The following RASAL2 variants were observed in gnomAD, a reference collection of about 807,000 sequenced individuals.
RASAL2 encodes the protein ras GTPase-activating protein nGAP.
Under a neutral mutation model 128.9 loss-of-function variants are expected in RASAL2, and 58 were observed. The observed-to-expected ratio is 0.45, with a 90% CI of 0.36 to 0.56. The LOEUF (loss-of-function observed/expected upper bound fraction) is 0.56. RASAL2 is among the 20% of genes least tolerant of loss of function. RASAL2 has a pLI of 0.00. For synonymous variants in RASAL2, 561 were observed against 580.8 expected (o/e 0.97, Z 0.49); for missense variants, 1,360 against 1,601.6 (o/e 0.85, Z 2.57).
rs995709480 is a variant in RASAL2, at chr1:178,295,244, A to C, written c.331-4748A>C. ...TAAGCGTTGGCATTTTTTTTCTCCC[A>C]AAAAAAAAAAAACAAAAAAAAACCA... On this transcript the variant is annotated intron_variant, in intron 2 of 17. Transcript: ENST00000367649. 1.2e-3 allele frequency among the ~76,000 whole-genome samples: 167 copies of C among 134,894 alleles called. 1 individual carries two copies. Among genetic ancestry groups the C allele is most frequent in the Middle Eastern group, 3.7e-3 (1 of 270 alleles). The allele number at this position is 134,894 out of a possible 152,430, so 88.5% of individuals were successfully genotyped here. A position where few individuals can be genotyped will look rare whatever the true frequency, so the allele number is the denominator to read the frequency against.
intron 3 of RASAL2, among the ~76,000 whole-genome samples, chr1:178,343,502 C>T (rs1669988129): frequency 6.6e-6 from 1 of 151,986 alleles, no homozygotes; most frequent in African/African-American, 2.4e-5. Context: ...GAAAGGACTG[C>T]CATGATATAT....
At chr1:178,327,541 A>T (rs1391901756) in intron 3 of RASAL2, among the ~76,000 whole-genome samples, 2 of 151,930 alleles carry the variant, frequency 1.3e-5, no homozygotes, top group Non-Finnish European at 2.9e-5. Flanking sequence ...TAATAGAGAC[A>T]GTATTTCTCC....
intron 1 of RASAL2, among the ~76,000 whole-genome samples, chr1:178,207,089 G>A (rs1663075326): frequency 2.0e-5 from 3 of 150,712 alleles, no homozygotes; most frequent in African/African-American, 7.3e-5. Context: ...GGCTGAGGCA[G>A]GAGGATTGCT....
At chr1:178,335,944 A>T (rs1299679468) in intron 3 of RASAL2, among the ~76,000 whole-genome samples, 1 of 151,682 alleles carries the variant, frequency 6.6e-6, no homozygotes, top group Non-Finnish European at 1.5e-5. Flanking sequence ...CCAAAATGCC[A>T]ATTAAAGATA....
intron 1 of RASAL2, among the ~76,000 whole-genome samples, chr1:178,275,427 G>T (rs1219881899): frequency 2.0e-5 from 3 of 152,238 alleles, no homozygotes; most frequent in Non-Finnish European, 4.4e-5. Context: ...CGGCACATGT[G>T]ATCAGGACAG....
intron 5 of RASAL2, among the ~76,000 whole-genome samples, chr1:178,431,846 A>G (rs1021063166): frequency 6.7e-6 from 1 of 149,740 alleles, no homozygotes; most frequent in African/African-American, 2.4e-5. Flanking sequence ...ATATAGACAT[A>G]TATGTTTGTA....
At chr1:178,415,678 C>G (rs1365493811) in intron 4 of RASAL2, among the ~76,000 whole-genome samples, 1 of 152,066 alleles carries the variant, frequency 6.6e-6, no homozygotes, top group Admixed American at 6.6e-5. Flanking sequence ...TAGTCTTCAA[C>G]TATATAGATT....
At chr1:178,470,651 AGTTACT>A in intron 17 of RASAL2, 1 of 1,351,302 alleles carries the variant, frequency 7.4e-7, no homozygotes, top group Non-Finnish European at 9.9e-7. Flanking sequence ...GCAGCTGCCT[AGTTACT>A]GTTGCAAGTG....
chr1:178,391,335 C>A (rs1220681956), intron 4 of RASAL2, among the ~76,000 whole-genome samples: 3 of 152,112 alleles, frequency 2.0e-5, no homozygotes, highest in Middle Eastern at 3.2e-3. Context: ...ATGTTTGTGA[C>A]ATGCATCCAT....
At chr1:178,232,152 GT>G (rs757429451) in intron 1 of RASAL2, among the ~76,000 whole-genome samples, 2 of 152,078 alleles carry the variant, frequency 1.3e-5, no homozygotes, top group Admixed American at 6.5e-5. Context: ...TGTTATATCT[GT>G]TTTATTGGTA....
intron 1 of RASAL2, among the ~76,000 whole-genome samples, chr1:178,103,768 A>G (rs1658990165): frequency 6.6e-6 from 1 of 152,082 alleles, no homozygotes; most frequent in Non-Finnish European, 1.5e-5. Flanking sequence ...CTTAGTATTT[A>G]AGTAAAGAAC....
At chr1:178,172,176 T>A (rs751377508) in intron 1 of RASAL2, among the ~76,000 whole-genome samples, 2 of 152,054 alleles carry the variant, frequency 1.3e-5, no homozygotes, top group Non-Finnish European at 2.9e-5. Flanking sequence ...AAGTCCTTCA[T>A]ACCATTTTAC....
chr1:178,204,512 G>T (rs1172626035), intron 1 of RASAL2, among the ~76,000 whole-genome samples: 1 of 152,170 alleles, frequency 6.6e-6, no homozygotes, highest in Non-Finnish European at 1.5e-5. Context: ...TTCTTAGGCA[G>T]CTACACAGAC....
At position 178,135,931 on chromosome 1, in the gene RASAL2, C is replaced by T. The variant is rs1278985280; in HGVS notation, c.202+41237C>T. Among the ~76,000 whole-genome samples the T allele has an allele frequency of 3.9e-5, 6 of 152,166 alleles. No homozygotes were observed. The South Asian group carries it at 8.3e-4, about 21-fold the overall frequency. ...GAAACTGCCCCCATGATTCAGTTAT[C>T]TCCCACCAGGTCCCTCCCACAACAT... On this transcript the variant is annotated intron_variant, in intron 1 of 17. Transcript: ENST00000367649.
chr1:178,288,402 T>A lies in RASAL2; in HGVS notation c.330+4711T>A, dbSNP rs532017368. The stretch of plus-strand genomic sequence containing the variant: ...AAAATTGGAAAATTCACAAGAGAAC[T>A]TCTGCACACTCCATTACTGTATCTG... On this transcript the variant is annotated intron_variant, in intron 2 of 17. Coordinates refer to ENST00000367649, the MANE Select transcript of RASAL2 (RefSeq NM_170692.4). 4.6e-5 allele frequency among the ~76,000 whole-genome samples: 7 copies of A among 152,212 alleles called. No homozygotes were observed. In the South Asian group the frequency reaches 1.5e-3, roughly 32 times the overall value.
At chr1:178,431,610 T>C (rs989883885) in intron 5 of RASAL2, among the ~76,000 whole-genome samples, 1 of 152,000 alleles carries the variant, frequency 6.6e-6, no homozygotes, top group African/African-American at 2.4e-5. Context: ...CACATGTGCA[T>C]GAAGATATAT....
Position 178,244,928 on chromosome 1 carries a change from A to G in RASAL2, c.203-38636A>G, listed in dbSNP as rs183468599. ...AACTCGTTCTTTTTCATGGCTGCTT[A>G]GTATTCCATGGTGTATATGTGCCAC... On this transcript the variant is annotated intron_variant, in intron 1 of 17. Coordinates refer to ENST00000367649, the MANE Select transcript of RASAL2 (RefSeq NM_170692.4). Among the ~76,000 whole-genome samples the G allele has an allele frequency of 3.3e-3, 510 of 152,312 alleles. 4 individuals are homozygous for G. The highest frequency in any genetic ancestry group is 0.012 in the African/African-American group (495 of 41,564).
chr1:178,445,370 T>C, intron 8 of RASAL2, 148 bp from the exon 9 acceptor site: 1 of 926,508 alleles, frequency 1.1e-6, no homozygotes, highest in South Asian at 1.9e-5. Context: ...CCTAACATTT[T>C]ATCCTGATTG....
intron 1 of RASAL2, among the ~76,000 whole-genome samples, chr1:178,121,501 T>C (rs988180098): frequency 6.6e-6 from 1 of 152,110 alleles, no homozygotes; most frequent in Non-Finnish European, 1.5e-5. Context: ...TTTCTTTTTT[T>C]TTTTGGGATG....
Sources: gnomAD v4.1 joint callset for allele counts (sites outside exome capture counted in the v4.1 genomes callset) on GRCh38, gnomAD v4.1.1 for gene constraint, MANE v1.5 for transcripts, NCBI Gene and HGNC (gene_info 2026-07-23, HGNC 2026-07-21) for gene names.